The following PLEKHA2 variants were observed in gnomAD, a reference collection of about 807,000 sequenced individuals.
PLEKHA2 encodes the protein pleckstrin homology domain-containing family A member 2.
In PLEKHA2, 28 loss-of-function variants were observed where a neutral mutation model predicts 53.2. That is an observed-to-expected ratio of 0.53 (90% CI 0.39 to 0.72). The LOEUF (loss-of-function observed/expected upper bound fraction) is 0.72, where lower values mean the gene tolerates loss of function less well. Among genes scored for constraint, PLEKHA2 ranks in the 30% least tolerant of loss-of-function variants. The pLI, the probability that PLEKHA2 is intolerant of heterozygous loss-of-function variation, is 0.00. For missense variants in PLEKHA2, 426 were observed against 537.9 expected (o/e 0.79, Z 2.06); for synonymous variants, 193 against 196.4 (o/e 0.98, Z 0.14).
In PLEKHA2 at chr8:38,963,238, G is replaced by C. The variant is rs139056588; in HGVS notation, c.838-5354G>C. ...AACTGCCCTCAAGGACAGAAGCCCTGCTTTTTCTTTTGAACCGAGCACCAG... is the reference window on the plus strand; with the variant it reads ...AACTGCCCTCAAGGACAGAAGCCCTCCTTTTTCTTTTGAACCGAGCACCAG... On this transcript the variant is annotated intron_variant, in intron 10 of 11. Coordinates refer to ENST00000617275, the MANE Select transcript of PLEKHA2 (RefSeq NM_021623.2). Among the ~76,000 whole-genome samples the C allele has an allele frequency of 4.1e-3, 617 of 152,280 alleles. 4 individuals are homozygous for C. Among genetic ancestry groups the C allele is most frequent in the Non-Finnish European group, 6.7e-3 (458 of 68,024 alleles).
intron 1 of PLEKHA2, among the ~76,000 whole-genome samples, chr8:38,902,910 T>C (rs1833813969): frequency 6.6e-6 from 1 of 152,208 alleles, no homozygotes; most frequent in African/African-American, 2.4e-5. Flanking sequence ...TTAGAAAGCA[T>C]CATCATCATC....
chr8:38,950,852 T>C lies in PLEKHA2; in HGVS notation c.348T>C (p.Val116=). The C allele has an allele frequency of 6.2e-7, 1 of 1,613,076 alleles. No individual in the cohort carries two copies. Among genetic ancestry groups the C allele is most frequent in the Non-Finnish European group, 8.5e-7 (1 of 1,179,336 alleles). ...EALNQASKIT[V]PKGGGLPMTT... The stretch of plus-strand genomic sequence containing the variant: ...ATTGTTGCTGCCGCTCACCCCAGGT[T>C]CCCAAAGGTGGGGGCCTACCCATGA... The change falls in exon 6 of 12, where the codon GTT becomes GTC. Residue 116 remains valine (V), a splice_region_variant and synonymous_variant. Transcript: ENST00000617275.
At chr8:38,910,861 A>C (rs1258632819) in intron 1 of PLEKHA2, among the ~76,000 whole-genome samples, 3 of 152,236 alleles carry the variant, frequency 2.0e-5, no homozygotes, top group African/African-American at 4.8e-5. Flanking sequence ...AACGATTATA[A>C]AGACTATGTA....
chr8:38,946,430 A>G (rs1396906019), intron 5 of PLEKHA2, among the ~76,000 whole-genome samples: 1 of 152,212 alleles, frequency 6.6e-6, no homozygotes, highest in Non-Finnish European at 1.5e-5. Flanking sequence ...TTCAAGGGGA[A>G]GTTCATGGAG....
At chr8:38,906,068 A>G (rs1252409407) in intron 1 of PLEKHA2, among the ~76,000 whole-genome samples, 2 of 152,354 alleles carry the variant, frequency 1.3e-5, no homozygotes, top group East Asian at 1.9e-4. Flanking sequence ...TAAAATGAAG[A>G]TTAGAGTTCC....
In PLEKHA2 at chr8:38,973,317, G is replaced by A. The variant is rs1835285849; in HGVS notation, c.*3534G>A. 1 of 151,808 alleles carries A rather than the reference G, an allele frequency of 6.6e-6. No homozygotes were observed. The highest frequency in any genetic ancestry group is 1.5e-5 in the Non-Finnish European group (1 of 67,946). The allele number at this position is 151,808 out of a possible 1,614,324, so 9.4% of individuals were successfully genotyped here. ...CCACGAGAAAGAAAGTAGTTTTAAGGTCCAGCTTCTTAGTCTACTTGAAGC... is the reference window on the plus strand; with the variant it reads ...CCACGAGAAAGAAAGTAGTTTTAAGATCCAGCTTCTTAGTCTACTTGAAGC... On this transcript the variant is annotated 3_prime_UTR_variant, in exon 12 of 12. Transcript: ENST00000617275.
chr8:38,955,382 A>T (rs530539802), intron 9 of PLEKHA2, among the ~76,000 whole-genome samples: 1 of 152,348 alleles, frequency 6.6e-6, no homozygotes, highest in African/African-American at 2.4e-5. Context: ...AGAAACTCAG[A>T]AAGTAATCAT....
chr8:38,920,762 C>A (rs1400302702), intron 2 of PLEKHA2, among the ~76,000 whole-genome samples: 1 of 151,638 alleles, frequency 6.6e-6, no homozygotes, highest in African/African-American at 2.4e-5. Context: ...GAGGGTCTCA[C>A]TTTGTTGACC....
chr8:38,912,606 A>G lies in PLEKHA2; in HGVS notation c.-23-5301A>G, dbSNP rs535011628. On this transcript the variant is annotated intron_variant, in intron 1 of 11. Transcript: ENST00000617275. ...AGAAGATTTGGAAGATTATGGTGACATGGCAGAGGAGGCGAGGACAGTGGA... is the reference window on the plus strand; with the variant it reads ...AGAAGATTTGGAAGATTATGGTGACGTGGCAGAGGAGGCGAGGACAGTGGA... 2.6e-5 allele frequency among the ~76,000 whole-genome samples: 4 copies of G among 152,352 alleles called. No homozygotes were observed. The East Asian group carries it at 7.7e-4, about 29-fold the overall frequency.
chr8:38,902,215 G>A (rs1182950075), intron 1 of PLEKHA2: 1 of 93,478 alleles, frequency 1.1e-5, no homozygotes, highest in Non-Finnish European at 2.4e-5. Flanking sequence ...GAGAAAAGAA[G>A]GGTGTGGGGG....
At chr8:38,923,394 AT>A (rs1464217725) in intron 2 of PLEKHA2, among the ~76,000 whole-genome samples, 2 of 152,274 alleles carry the variant, frequency 1.3e-5, no homozygotes, top group East Asian at 3.9e-4. Context: ...TTTAGTAGAG[AT>A]GGGGTTTCAC....
chr8:38,921,409 G>T (rs1279889288), intron 2 of PLEKHA2, among the ~76,000 whole-genome samples: 3 of 152,206 alleles, frequency 2.0e-5, no homozygotes, highest in South Asian at 4.1e-4. Flanking sequence ...TGGAGAGTTG[G>T]ATCTTTCTTC....
chr8:38,929,432 T>C (rs1167531920), intron 2 of PLEKHA2, among the ~76,000 whole-genome samples: 1 of 152,240 alleles, frequency 6.6e-6, no homozygotes, highest in South Asian at 2.1e-4. Context: ...TTACCTTTCA[T>C]TGATAATCAG....
chr8:38,952,630 T>C lies in PLEKHA2; in HGVS notation c.634-6T>C. On this transcript the variant is annotated splice_region_variant and splice_polypyrimidine_tract_variant and intron_variant, in intron 7 of 11. Coordinates refer to ENST00000617275, the MANE Select transcript of PLEKHA2 (RefSeq NM_021623.2). ...TAATGGTCTGCCTTTTATTTTTTTA[T>C]TACAGCGGAAGAGCTGGAAACGTCG... is the stretch of plus-strand genomic sequence containing the variant. The C allele has an allele frequency of 6.2e-7, 1 of 1,606,222 alleles. No homozygotes were observed. The highest frequency in any genetic ancestry group is 8.5e-7 in the Non-Finnish European group (1 of 1,179,554).
rs1241956624 is a variant in PLEKHA2, at chr8:38,969,546, C to T, written c.1041C>T (p.Ala347=). Reference sequence around the variant, plus strand: ...AGGAAAAGAAAGCCCTCTGCAAAGCCCCCTCTGTGGCCTCCTCCTGGCAGC... The same window carrying T: ...AGGAAAAGAAAGCCCTCTGCAAAGCTCCCTCTGTGGCCTCCTCCTGGCAGC... ...PLEEKKALCK[A]PSVASSWQPW... is the part of the protein sequence containing the mutation. The change falls in exon 12 of 12, where the codon GCC becomes GCT. Residue 347 remains alanine (A), a synonymous_variant. Coordinates refer to ENST00000617275, the MANE Select transcript of PLEKHA2 (RefSeq NM_021623.2). The T allele has an allele frequency of 4.3e-6, 7 of 1,612,520 alleles. No individual in the cohort carries two copies. The highest frequency in any genetic ancestry group is 1.7e-5 in the Admixed American group (1 of 59,762).
rs181670724 is a variant in PLEKHA2 at position 38,968,692 on chromosome 8, C to T, written c.915+23C>T. On this transcript the variant is annotated intron_variant, in intron 11 of 11. Coordinates refer to ENST00000617275, the MANE Select transcript of PLEKHA2 (RefSeq NM_021623.2). ...AGAGTAAGTCACTTCCTTTCTGTTG[C>T]ACAGTGTCAACTCAGAGATGAATTC... 421 of 1,611,938 alleles carry T rather than the reference C, an allele frequency of 2.6e-4. 5 individuals carry two copies. In the East Asian group the frequency reaches 7.7e-3, roughly 29 times the overall value.
chr8:38,964,505 C>G (rs574784862), intron 10 of PLEKHA2, among the ~76,000 whole-genome samples: 1 of 152,036 alleles, frequency 6.6e-6, no homozygotes, highest in Non-Finnish European at 1.5e-5. Context: ...AGTTTCATCC[C>G]GAAACCACCC....
At position 38,973,083 on chromosome 8, in the gene PLEKHA2, G is replaced by T. The variant is rs1835281628; in HGVS notation, c.*3300G>T. ...GCCTCCCAAAGTACTCAGATTATAG[G>T]TGTGAGCCACCACGCCTGGCCACCA... On this transcript the variant is annotated 3_prime_UTR_variant, in exon 12 of 12. Transcript: ENST00000617275. The T allele has an allele frequency of 6.6e-6, 1 of 152,146 alleles. No homozygotes were observed. The highest frequency in any genetic ancestry group is 2.4e-5 in the African/African-American group (1 of 41,418). The allele number at this position is 152,146 out of a possible 1,614,324, so 9.4% of individuals were successfully genotyped here.
Position 38,942,360 on chromosome 8 carries a change from G to A in PLEKHA2, c.199-1429G>A, listed in dbSNP as rs10088480. Reference sequence around the variant, plus strand: ...CGAGGCTGCAGTGAGCTGTGATTGCGCCACTGCACTCCAGCCTGGGTGACA... The same window carrying A: ...CGAGGCTGCAGTGAGCTGTGATTGCACCACTGCACTCCAGCCTGGGTGACA... On this transcript the variant is annotated intron_variant, in intron 3 of 11. Transcript: ENST00000617275. 2.6e-5 allele frequency among the ~76,000 whole-genome samples: 4 copies of A among 152,024 alleles called. No individual in the cohort carries two copies. The East Asian group carries it at 5.8e-4, about 22-fold the overall frequency.
Sources: allele counts gnomAD v4.1 joint callset (sites outside exome capture counted in the v4.1 genomes callset), GRCh38; gene constraint gnomAD v4.1.1; transcripts MANE v1.5; gene names NCBI Gene and HGNC (gene_info 2026-07-23, HGNC 2026-07-21).